The following GPHN variants were observed in gnomAD, a reference collection of about 807,000 sequenced individuals.
The protein encoded by GPHN is gephyrin.
Under a neutral mutation model 95.5 loss-of-function variants are expected in GPHN, and 17 were observed. The observed-to-expected ratio is 0.18, with a 90% CI of 0.12 to 0.27. The LOEUF (loss-of-function observed/expected upper bound fraction) is 0.27. Ranked by LOEUF, GPHN falls within the 10% of genes least tolerant of loss-of-function variation. The pLI is 1.00. For synonymous variants in GPHN, 320 were observed against 322.5 expected (o/e 0.99, Z 0.08); for missense variants, 660 against 978.1 (o/e 0.67, Z 4.34).
At chr14:66,644,884 T>C (rs2064646127) in intron 1 of GPHN, among the ~76,000 whole-genome samples, 1 of 152,174 alleles carries the variant, frequency 6.6e-6, no homozygotes, top group South Asian at 2.1e-4. Context: ...TAATAATTTT[T>C]AGGTAAATTT....
In GPHN at chr14:66,652,678, C is replaced by G. The variant is rs544151162; in HGVS notation, c.65-28429C>G. On this transcript the variant is annotated intron_variant, in intron 1 of 22. Transcript: ENST00000478722. The stretch of plus-strand genomic sequence containing the variant: ...TTATAGTGTAACATTCTTGGCCTAA[C>G]AGTCTGCATTTCCCAGGCTGCCAGC... Among the ~76,000 whole-genome samples, 8 of 152,250 alleles carry G rather than the reference C, an allele frequency of 5.3e-5. 1 individual carries two copies. In the South Asian group the frequency reaches 1.7e-3, roughly 32 times the overall value.
chr14:66,782,417 T>G (rs914665247), intron 3 of GPHN, among the ~76,000 whole-genome samples: 49 of 152,188 alleles, frequency 3.2e-4, no homozygotes, highest in African/African-American at 1.1e-3. Context: ...TCTGTCATGT[T>G]TCAAAAGTAT....
chr14:66,796,049 T>G (rs1033544169), intron 3 of GPHN, among the ~76,000 whole-genome samples: 31 of 152,166 alleles, frequency 2.0e-4, no homozygotes, highest in African/African-American at 6.3e-4. Flanking sequence ...TTCAATCGTT[T>G]TAATTTTTAG....
chr14:66,900,833 AGT>A (rs1567078860), intron 5 of GPHN, among the ~76,000 whole-genome samples: 1 of 152,092 alleles, frequency 6.6e-6, no homozygotes, highest in African/African-American at 2.4e-5. Flanking sequence ...CATTATGAAT[AGT>A]GCTGCAGTAA....
the GPHN span, among the ~76,000 whole-genome samples, chr14:67,293,125 C>T: frequency 4.8e-3 from 731 of 152,046 alleles, 11 homozygotes; most frequent in African/African-American, 0.017. Context: ...TTTATTATGT[C>T]TAGGTATTTG....
intron 1 of GPHN, among the ~76,000 whole-genome samples, chr14:66,573,769 T>C (rs1311067264): frequency 6.6e-6 from 1 of 152,160 alleles, no homozygotes; most frequent in Non-Finnish European, 1.5e-5. Context: ...TAATGACTTT[T>C]TTTTTTAATC....
At chr14:67,582,258 T>G in the GPHN span, 1 of 1,612,338 alleles carries the variant, frequency 6.2e-7, no homozygotes, top group Non-Finnish European at 8.5e-7. This position sits in a 1 kb window ranked among gnomAD's most constrained non-coding sequence, Gnocchi z 5.0. Context: ...CAGCTTAGAA[T>G]GAATGCACCA....
chr14:66,815,189 CTGAT>C (rs1405512876), intron 3 of GPHN, among the ~76,000 whole-genome samples: 1 of 152,148 alleles, frequency 6.6e-6, no homozygotes, highest in African/African-American at 2.4e-5. Context: ...GAATCTGCGA[CTGAT>C]TGGTGTCTCT....
the GPHN span, chr14:67,620,056 G>C: frequency 6.2e-7 from 1 of 1,611,232 alleles, no homozygotes; most frequent in Non-Finnish European, 8.5e-7. Context: ...CCACTCCGTG[G>C]CTGTGATAGG....
At chr14:66,518,135 AAC>A (rs920761757) in intron 1 of GPHN, among the ~76,000 whole-genome samples, 5 of 125,736 alleles carry the variant, frequency 4.0e-5, no homozygotes, top group African/African-American at 2.1e-4. Flanking sequence ...CCCAGAAAAA[AAC>A]AAAACAAAAA....
At chr14:67,097,821 A>T (rs908922807) in intron 12 of GPHN, among the ~76,000 whole-genome samples, 1 of 151,738 alleles carries the variant, frequency 6.6e-6, no homozygotes, top group African/African-American at 2.4e-5. Context: ...CACCCATGGG[A>T]AGAAATACAT....
chr14:66,548,623 C>T (rs558280216), intron 1 of GPHN, among the ~76,000 whole-genome samples: 4 of 152,300 alleles, frequency 2.6e-5, no homozygotes, highest in Non-Finnish European at 5.9e-5. Context: ...CCCTGAGATA[C>T]AAAATATTCC....
chr14:66,729,839 A>G (rs2071607239), intron 2 of GPHN, among the ~76,000 whole-genome samples: 1 of 152,246 alleles, frequency 6.6e-6, no homozygotes, highest in African/African-American at 2.4e-5. Flanking sequence ...CAGAAAGAAG[A>G]GTAGTAATTC....
At chr14:67,354,373 A>G in the GPHN span, among the ~76,000 whole-genome samples, 3 of 152,230 alleles carry the variant, frequency 2.0e-5, no homozygotes, top group African/African-American at 7.2e-5. Context: ...CTGGAGGTAT[A>G]TTAAGGATTT....
intron 2 of GPHN, among the ~76,000 whole-genome samples, chr14:66,716,759 A>G (rs182840570): frequency 2.6e-5 from 4 of 152,202 alleles, no homozygotes; most frequent in Non-Finnish European, 5.9e-5. Context: ...AAAAGATTAT[A>G]TCTTCATGTA....
chr14:66,645,439 C>T (rs977923719), intron 1 of GPHN, among the ~76,000 whole-genome samples: 3 of 151,944 alleles, frequency 2.0e-5, no homozygotes, highest in South Asian at 2.1e-4. Flanking sequence ...GTAATCCCAG[C>T]GCTTTGGGAG....
At chr14:67,144,248 AAAATATATATATATATATATATATATAT>A (rs1288483082) in intron 18 of GPHN, among the ~76,000 whole-genome samples, 4 of 62,616 alleles carry the variant, frequency 6.4e-5, no homozygotes, top group African/African-American at 1.6e-4. Flanking sequence ...AAAAAAAAAA[AAAATATATATATATATATATATATATAT>A]ATATATATAT....
At chr14:66,615,339 G>A (rs1336644401) in intron 1 of GPHN, among the ~76,000 whole-genome samples, 1 of 152,082 alleles carries the variant, frequency 6.6e-6, no homozygotes, top group Non-Finnish European at 1.5e-5. Flanking sequence ...CAGAGTAAAA[G>A]CGTTCCTATT....
intron 4 of GPHN, among the ~76,000 whole-genome samples, chr14:66,856,255 A>G (rs1035115582): frequency 6.6e-6 from 1 of 152,158 alleles, no homozygotes; most frequent in Non-Finnish European, 1.5e-5. Flanking sequence ...TGTGCTATTC[A>G]TGTATATTGG....
Sources: allele counts gnomAD v4.1 joint callset (sites outside exome capture counted in the v4.1 genomes callset), GRCh38; gene constraint gnomAD v4.1.1; non-coding constraint Gnocchi (gnomAD v3.1); transcripts MANE v1.5; gene names NCBI Gene and HGNC (gene_info 2026-07-23, HGNC 2026-07-21).